Variants in KNTC1 observed in about 807,000 individuals in gnomAD.
KNTC1 encodes the protein kinetochore-associated protein 1.
A neutral mutation model predicts 314.4 loss-of-function variants in KNTC1; 253 were observed. That is an observed-to-expected ratio of 0.80 (90% CI 0.73 to 0.89). KNTC1 has a LOEUF of 0.89. Among genes scored for constraint, KNTC1 ranks in the 40% least tolerant of loss-of-function variants. KNTC1 has a pLI of 0.00. For missense variants in KNTC1, 2,475 were observed against 2,572.9 expected, an observed-to-expected ratio of 0.96 and a Z score of 0.82; for synonymous variants, 901 against 901.4, an observed-to-expected ratio of 1.00 and a Z score of 0.01.
chr12:122,624,475 C>T lies in KNTC1; in HGVS notation c.6516-123C>T, dbSNP rs1412373383. On this transcript the variant is annotated intron_variant, in intron 62 of 63. Coordinates refer to ENST00000333479, the MANE Select transcript of KNTC1 (RefSeq NM_014708.6). ...TAGAGACAGGGCTTTGCCATGTTGCCCAGGCTAGTCTCAAACTCCTGGACC... is the reference window on the plus strand; with the variant it reads ...TAGAGACAGGGCTTTGCCATGTTGCTCAGGCTAGTCTCAAACTCCTGGACC... 5.1e-6 allele frequency: 3 copies of T among 593,494 alleles called. No homozygotes were observed. In the East Asian group the frequency reaches 9.1e-5, roughly 18 times the overall value. 36.8% of individuals were successfully genotyped at this position (593,494 alleles called of 1,614,324 possible).
At chr12:122,587,680 C>A (rs1263739347) in intron 38 of KNTC1, 31 bp from the exon 39 acceptor site, 1 of 1,544,570 alleles carries the variant, frequency 6.5e-7, no homozygotes, top group Non-Finnish European at 8.8e-7. Context: ...TTTAAAAAAT[C>A]TAAATATTAA....
chr12:122,529,100 T>C (rs1329079606), intron 1 of KNTC1, among the ~76,000 whole-genome samples: 1 of 152,104 alleles, frequency 6.6e-6, no homozygotes, highest in Non-Finnish European at 1.5e-5. Flanking sequence ...TGCCTAAGCC[T>C]CCCAAAGTTC....
chr12:122,594,255 T>C lies in KNTC1; in HGVS notation c.4246-21T>C, dbSNP rs752247814. 2.8e-6 allele frequency: 4 copies of C among 1,428,596 alleles called. No homozygotes were observed. In the African/African-American group the frequency reaches 4.3e-5, roughly 15 times the overall value. The allele number at this position is 1,428,596 out of a possible 1,614,324, so 88.5% of individuals were successfully genotyped here. A position where few individuals can be genotyped will look rare whatever the true frequency, so the allele number is the denominator to read the frequency against. On this transcript the variant is annotated intron_variant, in intron 42 of 63. Transcript: ENST00000333479. ...CAGTGTAGAGGGTTTTTTTGCTTTG[T>C]TTTTTTCTTTTTATTTCTAGATTTC...
intron 26 of KNTC1, among the ~76,000 whole-genome samples, chr12:122,573,717 G>C (rs1160731670): frequency 6.6e-6 from 1 of 152,194 alleles, no homozygotes; most frequent in Non-Finnish European, 1.5e-5. Flanking sequence ...AAGACTCCAA[G>C]CGAGAGGGAG....
At chr12:122,563,976 A>G (rs945495602) in intron 20 of KNTC1, among the ~76,000 whole-genome samples, 1 of 152,124 alleles carries the variant, frequency 6.6e-6, no homozygotes, top group Non-Finnish European at 1.5e-5. Context: ...TTATGGTTCA[A>G]TGTTTTTTAT....
intron 31 of KNTC1, 64 bp downstream of exon 31, chr12:122,577,855 A>C: frequency 1.4e-6 from 2 of 1,444,880 alleles, no homozygotes; most frequent in Non-Finnish European, 1.9e-6. Flanking sequence ...TCAATAGGAT[A>C]GAAAAGATGG....
In KNTC1 at chr12:122,546,172, C is replaced by T. The variant is rs1477387818; in HGVS notation, c.670-4C>T. The T allele has an allele frequency of 6.3e-6, 10 of 1,591,826 alleles. No individual in the cohort carries two copies. The highest frequency in any genetic ancestry group is 7.8e-6 in the Non-Finnish European group (9 of 1,160,426). On this transcript the variant is annotated splice_polypyrimidine_tract_variant and splice_region_variant and intron_variant, in intron 8 of 63. Coordinates refer to ENST00000333479, the MANE Select transcript of KNTC1 (RefSeq NM_014708.6). ...CATTTTAAGTACTGTGTTCATTTTT[C>T]CAGGGAACCGGTAATTGTGCATTCT...
chr12:122,542,382 T>C (rs957736472), intron 6 of KNTC1, among the ~76,000 whole-genome samples: 6 of 152,174 alleles, frequency 3.9e-5, no homozygotes, highest in East Asian at 3.8e-4. Flanking sequence ...AACAGTTTAG[T>C]TGGGGAGACA....
chr12:122,613,595 A>C lies in KNTC1; in HGVS notation c.5742-31A>C, dbSNP rs527570943. 406 of 1,567,810 alleles carry C rather than the reference A, an allele frequency of 2.6e-4. 3 individuals are homozygous for C. In the South Asian group the frequency reaches 4.5e-3, roughly 17 times the overall value. On this transcript the variant is annotated intron_variant, in intron 54 of 63. Transcript: ENST00000333479. ...TTTAAATGTAAATGTGGCCTATGAG[A>C]ATGATTCTTAGAAACGTTTCTGTTT...
chr12:122,557,197 C>T (rs998623963), intron 16 of KNTC1, among the ~76,000 whole-genome samples, 187 bp from the exon 17 acceptor site: 7 of 152,140 alleles, frequency 4.6e-5, no homozygotes, highest in Non-Finnish European at 1.0e-4. Context: ...AAATGGTTCC[C>T]ATACCTGCTA....
chr12:122,561,779 C>T (rs1593545217), intron 18 of KNTC1, 142 bp from the exon 19 acceptor site: 2 of 610,126 alleles, frequency 3.3e-6, no homozygotes, highest in Admixed American at 3.2e-5. Context: ...AAAAACATGT[C>T]AGTTCTTTAT....
At chr12:122,570,677 T>A (rs4411309) in intron 22 of KNTC1, among the ~76,000 whole-genome samples, 199 bp from the exon 23 acceptor site, 150,955 of 152,264 alleles carry the variant, frequency 0.99, 74,832 homozygotes, top group Middle Eastern at 1. Flanking sequence ...TTCACATTGC[T>A]TGCCTGTATC....
intron 5 of KNTC1, among the ~76,000 whole-genome samples, chr12:122,540,739 ATTTT>A: frequency 6.6e-6 from 1 of 151,486 alleles, no homozygotes; most frequent in Middle Eastern, 3.4e-3. Context: ...TATATCTGAG[ATTTT>A]TTTTTCTGGC....
rs1228843026 is a variant in KNTC1 at position 122,572,929 on chromosome 12, T to G, written c.2020-8T>G. 1.9e-6 allele frequency: 3 copies of G among 1,538,656 alleles called. No individual in the cohort carries two copies. Among genetic ancestry groups the G allele is most frequent in the Non-Finnish European group, 2.7e-6 (3 of 1,129,956 alleles). On this transcript the variant is annotated splice_region_variant and splice_polypyrimidine_tract_variant and intron_variant, in intron 24 of 63. Coordinates refer to ENST00000333479, the MANE Select transcript of KNTC1 (RefSeq NM_014708.6). ...ATATCGTTAACAACTTTAACACTTT[T>G]GTTTTAGAAAGATTATCAGAACACA...
chr12:122,533,069 C>G (rs1395216115), intron 2 of KNTC1, among the ~76,000 whole-genome samples: 1 of 152,030 alleles, frequency 6.6e-6, no homozygotes, highest in Non-Finnish European at 1.5e-5. Context: ...TTAAAATAAA[C>G]TACACTTGCT....
At chr12:122,551,229 A>G in intron 13 of KNTC1, 90 bp from the exon 14 acceptor site, 1 of 836,972 alleles carries the variant, frequency 1.2e-6, no homozygotes, top group East Asian at 2.7e-5. Context: ...ATTGATGGAT[A>G]ATTCATGCCT....
At chr12:122,538,475 A>AC (rs768765111) in intron 4 of KNTC1, 21 bp downstream of exon 4, 12 of 1,265,026 alleles carry the variant, frequency 9.5e-6, no homozygotes, top group Non-Finnish European at 1.3e-5. Context: ...GTTGTATTTT[A>AC]ATTTTCATTA....
chr12:122,613,085 C>T, intron 53 of KNTC1, 27 bp from the exon 54 acceptor site: 2 of 1,316,376 alleles, frequency 1.5e-6, no homozygotes, highest in Non-Finnish European at 2.2e-6. Context: ...AGGTGTTCAA[C>T]TCTCCAAACC....
intron 51 of KNTC1, among the ~76,000 whole-genome samples, chr12:122,608,736 AT>A (rs1211736806): frequency 9.2e-5 from 14 of 152,316 alleles, no homozygotes; most frequent in African/African-American, 3.1e-4. Flanking sequence ...CTCATTTAAA[AT>A]TCATGGAGTC....
Sources: gnomAD v4.1 joint callset for allele counts (sites outside exome capture counted in the v4.1 genomes callset) on GRCh38, gnomAD v4.1.1 for gene constraint, MANE v1.5 for transcripts, NCBI Gene and HGNC (gene_info 2026-07-23, HGNC 2026-07-21) for gene names.